PCDHA1: variants seen among roughly 807,000 people sequenced by gnomAD.
PCDHA1 encodes protocadherin alpha 1, also known as protocadherin alpha-1.
Under a neutral mutation model 61.3 loss-of-function variants are expected in PCDHA1, and 42 were observed. The observed-to-expected ratio is 0.69, with a 90% CI of 0.54 to 0.89. The LOEUF is 0.89. PCDHA1 is among the 40% of genes least tolerant of loss of function. The probability of loss-of-function intolerance (pLI) is 0.00; values close to 1 mark genes in which losing one functional copy is unlikely to be tolerated. For synonymous variants in PCDHA1, 610 were observed against 553.8 expected, an observed-to-expected ratio of 1.10 and a Z score of -1.43; for missense variants, 1,256 against 1,235.3, an observed-to-expected ratio of 1.02 and a Z score of -0.25.
chr5:140,853,384 C>G, intron 1 of PCDHA1: 1 of 985,584 alleles, frequency 1.0e-6, no homozygotes, highest in African/African-American at 1.8e-5. Context: ...AAATTCAAAA[C>G]AGCCTGTCAA....
intron 1 of PCDHA1, chr5:140,869,076 C>G (rs367613564): frequency 6.3e-7 from 1 of 1,577,934 alleles, no homozygotes; most frequent in South Asian, 1.2e-5. Flanking sequence ...TGTAAAGAAG[C>G]TTATTTTGGA....
At chr5:140,918,759 G>A (rs931610210) in intron 1 of PCDHA1, among the ~76,000 whole-genome samples, 7 of 152,130 alleles carry the variant, frequency 4.6e-5, no homozygotes, top group Non-Finnish European at 1.0e-4. Context: ...CCAGAGAGGT[G>A]CCTTGCCTCT....
intron 1 of PCDHA1, chr5:140,930,104 G>T (rs532818002): frequency 6.6e-6 from 1 of 152,210 alleles, no homozygotes; most frequent in Non-Finnish European, 1.5e-5. Flanking sequence ...ACTGATAGGA[G>T]ATCATATTGT....
At chr5:140,875,264 C>CTACA in intron 1 of PCDHA1, 1 of 1,189,324 alleles carries the variant, frequency 8.4e-7, no homozygotes, top group Non-Finnish European at 1.1e-6. Context: ...TGATGTCGCT[C>CTACA]TACACTCAGA....
intron 1 of PCDHA1, chr5:140,815,743 C>T (rs1554126863): frequency 6.6e-6 from 1 of 152,154 alleles, no homozygotes; most frequent in Non-Finnish European, 1.5e-5. Flanking sequence ...AAGGCCCCCT[C>T]TTAACATTTC....
intron 1 of PCDHA1, chr5:140,868,729 T>C (rs1467955446): frequency 5.1e-6 from 1 of 195,146 alleles, no homozygotes; most frequent in African/African-American, 2.3e-5. Flanking sequence ...TTGATGTTAA[T>C]CGAGAAATAC....
chr5:140,836,098 G>A, intron 1 of PCDHA1: 5 of 1,613,714 alleles, frequency 3.1e-6, no homozygotes, highest in Non-Finnish European at 4.2e-6. Context: ...CGGGTGGGTG[G>A]CACTGGTGGC....
At chr5:141,009,500 A>G (rs2098409925) in intron 3 of PCDHA1, 127 bp from the exon 4 acceptor site, 2 of 1,494,658 alleles carry the variant, frequency 1.3e-6, no homozygotes, top group Non-Finnish European at 1.8e-6. Flanking sequence ...TCAGACTTGA[A>G]CAAACAACTC....
At chr5:140,816,460 T>C (rs1765910605) in intron 1 of PCDHA1, 1 of 152,214 alleles carries the variant, frequency 6.6e-6, no homozygotes, top group Non-Finnish European at 1.5e-5. Flanking sequence ...CTTTGTCAAG[T>C]AATTCACATA....
rs781845787 is a variant in PCDHA1, at chr5:140,884,003, G to C, written c.2395-94946G>C. 7.4e-6 allele frequency: 12 copies of C among 1,613,086 alleles called. No homozygotes were observed. In the South Asian group the frequency reaches 1.3e-4, roughly 18 times the overall value. ...TGGCAGCGCGGGAGGCACAGTGAGC[G>C]AGCTGATGCCGCGGTCGGTGGGTGC... On this transcript the variant is annotated intron_variant, in intron 1 of 3. Transcript: ENST00000504120.
At chr5:140,803,352 A>G in intron 1 of PCDHA1, 1 of 1,614,144 alleles carries the variant, frequency 6.2e-7, no homozygotes, top group Non-Finnish European at 8.5e-7. Flanking sequence ...GCTGCTATAT[A>G]CTGCTCTGCG....
At chr5:140,844,668 T>A (rs540390945) in intron 1 of PCDHA1, among the ~76,000 whole-genome samples, 1 of 149,604 alleles carries the variant, frequency 6.7e-6, no homozygotes, top group Non-Finnish European at 1.5e-5. Flanking sequence ...AAACATATAA[T>A]TTATAAATCC....
At position 140,788,198 on chromosome 5, in the gene PCDHA1, C is replaced by G. The variant is rs146713367; in HGVS notation, c.1908C>G (p.Val636=). 4.3e-6 allele frequency: 7 copies of G among 1,613,954 alleles called. No individual in the cohort carries two copies. Among genetic ancestry groups the G allele is most frequent in the African/African-American group, 1.3e-5 (1 of 74,944 alleles). The change falls in exon 1 of 4, where the codon GTC becomes GTG. Residue 636 remains valine, a synonymous_variant. Coordinates refer to ENST00000504120, the MANE Select transcript of PCDHA1 (RefSeq NM_018900.4). ...LYTGEISTTR[V]LDEADLSRYR... ...CGGGCGAGATCAGCACGACTCGTGT[C>G]CTGGACGAGGCTGACTTGTCGCGCT...
At chr5:140,882,319 G>A in intron 1 of PCDHA1, 1 of 1,614,136 alleles carries the variant, frequency 6.2e-7, no homozygotes, top group Admixed American at 1.7e-5. Context: ...TACTGCTCTG[G>A]CTTCTGATCC....
intron 1 of PCDHA1, among the ~76,000 whole-genome samples, chr5:140,956,723 A>G (rs536528599): frequency 6.6e-6 from 1 of 152,166 alleles, no homozygotes; most frequent in Non-Finnish European, 1.5e-5. Context: ...AAGAATTGGT[A>G]CCAGCTCCTC....
intron 1 of PCDHA1, among the ~76,000 whole-genome samples, chr5:140,898,221 T>C (rs1238265746): frequency 6.6e-6 from 1 of 152,230 alleles, no homozygotes; most frequent in South Asian, 2.1e-4. Flanking sequence ...ATTTTGGCTT[T>C]TGTTGCCATT....
rs1554262759 is a variant in PCDHA1 at position 141,010,215 on chromosome 5, G to A, written c.*278G>A. ...CCTTTCTCCTCCGCCGCAAAGGAGA[G>A]GCTTCCCAGCCCCGCCAGTGAGAGG... On this transcript the variant is annotated 3_prime_UTR_variant, in exon 4 of 4. Transcript: ENST00000504120. The A allele has an allele frequency of 6.4e-7, 1 of 1,551,774 alleles. No homozygotes were observed. Among genetic ancestry groups the A allele is most frequent in the East Asian group, 2.4e-5 (1 of 40,918 alleles).
rs782707650 is a variant in PCDHA1, at chr5:140,788,103, G to T, written c.1813G>T (p.Ala605Ser). Residue 605 changes from alanine (A) to serine (S), a missense_variant, in exon 1 of 4, where the codon GCG (alanine) becomes TCG (serine). Coordinates refer to ENST00000504120, the MANE Select transcript of PCDHA1 (RefSeq NM_018900.4). ...AGTGGACGCCGACTCGGGCTACAAC[G>T]CGTGGCTGTCCTATGAACTGCAGCC... ...RAVDADSGYN[A>S]WLSYELQPAA... is the part of the protein sequence containing the mutation. 3 of 1,613,988 alleles carry T rather than the reference G, an allele frequency of 1.9e-6. No individual in the cohort carries two copies. The highest frequency in any genetic ancestry group is 3.3e-5 in the Admixed American group (2 of 60,014).
intron 1 of PCDHA1, among the ~76,000 whole-genome samples, chr5:140,902,233 T>C (rs1402685005): frequency 6.7e-6 from 1 of 149,150 alleles, no homozygotes; most frequent in African/African-American, 2.5e-5. Context: ...AGATGAGGAC[T>C]TGCTTTGTTG....
Sources: allele counts gnomAD v4.1 joint callset (sites outside exome capture counted in the v4.1 genomes callset), GRCh38; gene constraint gnomAD v4.1.1; transcripts MANE v1.5; gene names NCBI Gene and HGNC (gene_info 2026-07-23, HGNC 2026-07-21).